The following SEMA5B variants were observed in gnomAD, a reference collection of about 807,000 sequenced individuals.
The protein encoded by SEMA5B is semaphorin 5B.
A neutral mutation model predicts 135.0 loss-of-function variants in SEMA5B; 66 were observed. The observed-to-expected ratio is 0.49, with a 90% CI of 0.40 to 0.60. The LOEUF is 0.60. Ranked by LOEUF, SEMA5B falls within the 20% of genes least tolerant of loss-of-function variation. The pLI, the probability that SEMA5B is intolerant of heterozygous loss-of-function variation, is 0.00. For missense variants in SEMA5B, 1,501 were observed against 1,566.3 expected (o/e 0.96, Z 0.70); for synonymous variants, 690 against 639.5 (o/e 1.08, Z -1.19).
intron 1 of SEMA5B, among the ~76,000 whole-genome samples, chr3:122,994,174 A>G (rs1941963399): frequency 1.3e-5 from 2 of 151,906 alleles, no homozygotes; most frequent in Admixed American, 6.6e-5. Flanking sequence ...ACAGATAACA[A>G]GAGCGAGTGG....
chr3:122,971,947 ACTT>A (rs1457581765), intron 1 of SEMA5B, among the ~76,000 whole-genome samples: 5 of 152,328 alleles, frequency 3.3e-5, no homozygotes, highest in Non-Finnish European at 7.3e-5. Flanking sequence ...AATCATAACA[ACTT>A]CTTCACAGAC....
intron 1 of SEMA5B, among the ~76,000 whole-genome samples, chr3:123,002,656 GC>G (rs2107763348): frequency 6.6e-6 from 1 of 152,320 alleles, no homozygotes; most frequent in East Asian, 1.9e-4. Flanking sequence ...GCCTCTTGAA[GC>G]CCCGACCTGC....
At chr3:122,911,470 G>A (rs1937698277) in intron 21 of SEMA5B, 21 bp downstream of exon 21, 1 of 1,601,754 alleles carries the variant, frequency 6.2e-7, no homozygotes, top group Admixed American at 1.7e-5. Context: ...CGCAGCATGA[G>A]GTAGGTCCGG....
chr3:122,954,035 G>T (rs1254746602), intron 2 of SEMA5B, among the ~76,000 whole-genome samples: 2 of 152,222 alleles, frequency 1.3e-5, no homozygotes, highest in African/African-American at 4.8e-5. Context: ...AAATGTGTGT[G>T]GTGGTCATAT....
chr3:122,953,342 G>A (rs1353127680), intron 2 of SEMA5B, among the ~76,000 whole-genome samples: 1 of 152,164 alleles, frequency 6.6e-6, no homozygotes, highest in African/African-American at 2.4e-5. Context: ...AGCTCCAGGG[G>A]CCCGAATTAG....
intron 1 of SEMA5B, among the ~76,000 whole-genome samples, chr3:123,017,242 G>C (rs565388359): frequency 6.6e-6 from 1 of 151,826 alleles, no homozygotes; most frequent in African/African-American, 2.4e-5. Flanking sequence ...TCCTCACATG[G>C]ATTCCACAGA....
chr3:122,915,327 C>T, intron 14 of SEMA5B, 113 bp downstream of exon 14: 1 of 1,026,894 alleles, frequency 9.7e-7, no homozygotes, highest in Non-Finnish European at 1.4e-6. Context: ...CTAGCACAGC[C>T]CTGAAGTGGT....
intron 5 of SEMA5B, among the ~76,000 whole-genome samples, chr3:122,937,453 A>C (rs1161763399): frequency 6.6e-6 from 1 of 152,226 alleles, no homozygotes; most frequent in Non-Finnish European, 1.5e-5. Flanking sequence ...CTGTGGACAG[A>C]TGGTACACAC....
chr3:122,961,078 C>G (rs1429652467), intron 2 of SEMA5B, 62 bp downstream of exon 2: 9 of 1,500,584 alleles, frequency 6.0e-6, no homozygotes, highest in Non-Finnish European at 7.2e-6. Flanking sequence ...GGGGTCTTCT[C>G]CCTGCTCTCC....
At chr3:122,948,938 T>A (rs1046224273) in intron 2 of SEMA5B, among the ~76,000 whole-genome samples, 1 of 152,252 alleles carries the variant, frequency 6.6e-6, no homozygotes, top group African/African-American at 2.4e-5. Flanking sequence ...TTATAGTGCC[T>A]TTTCTATTTA....
At chr3:122,960,969 CATGTT>C (rs1940547840) in intron 2 of SEMA5B, among the ~76,000 whole-genome samples, 166 bp downstream of exon 2, 1 of 152,136 alleles carries the variant, frequency 6.6e-6, no homozygotes, top group South Asian at 2.1e-4. Context: ...TGGCCAATTT[CATGTT>C]ATATATATGT....
chr3:122,941,610 A>T (rs1463765566), intron 4 of SEMA5B, among the ~76,000 whole-genome samples: 1 of 152,254 alleles, frequency 6.6e-6, no homozygotes, highest in East Asian at 1.9e-4. Flanking sequence ...CTGACTTACT[A>T]CATATATGAC....
chr3:122,936,797 C>T (rs1939310663), intron 5 of SEMA5B, among the ~76,000 whole-genome samples: 1 of 152,200 alleles, frequency 6.6e-6, no homozygotes, highest in Non-Finnish European at 1.5e-5. Context: ...CCACCTCCAA[C>T]ACACACACTG....
intron 1 of SEMA5B, among the ~76,000 whole-genome samples, chr3:122,996,441 G>A (rs926136859): frequency 1.3e-5 from 2 of 152,208 alleles, no homozygotes; most frequent in Admixed American, 6.5e-5. Context: ...CATAAATCTA[G>A]CCTGCCAGGG....
At chr3:122,944,268 C>T (rs1034333947) in intron 3 of SEMA5B, among the ~76,000 whole-genome samples, 3 of 152,206 alleles carry the variant, frequency 2.0e-5, no homozygotes, top group Admixed American at 6.5e-5. Context: ...CCAAATCCAT[C>T]CCACAAGAGC....
intron 5 of SEMA5B, among the ~76,000 whole-genome samples, chr3:122,932,292 C>T (rs1471308003): frequency 8.7e-6 from 1 of 115,578 alleles, no homozygotes; most frequent in African/African-American, 3.2e-5. Flanking sequence ...CTTGCTCTGT[C>T]CCCCAGGCTG....
At chr3:122,925,954 A>G (rs1303354201) in intron 9 of SEMA5B, among the ~76,000 whole-genome samples, 2 of 152,186 alleles carry the variant, frequency 1.3e-5, no homozygotes, top group Non-Finnish European at 2.9e-5. Context: ...TTTCCAGCAC[A>G]GTCTAGATGG....
At chr3:122,948,987 G>C (rs145642438) in intron 2 of SEMA5B, among the ~76,000 whole-genome samples, 2 of 152,154 alleles carry the variant, frequency 1.3e-5, no homozygotes, top group African/African-American at 4.8e-5. Flanking sequence ...AATGATAAAG[G>C]TAGTATCTTA....
At chr3:123,008,888 C>T (rs796249953) in intron 1 of SEMA5B, among the ~76,000 whole-genome samples, 64 of 152,240 alleles carry the variant, frequency 4.2e-4, no homozygotes, top group African/African-American at 1.5e-3. Context: ...GCAGCTGGAG[C>T]TGGGGGGCTG....
Sources: allele counts gnomAD v4.1 joint callset (sites outside exome capture counted in the v4.1 genomes callset), GRCh38; gene constraint gnomAD v4.1.1; transcripts MANE v1.5; gene names NCBI Gene and HGNC (gene_info 2026-07-23, HGNC 2026-07-21).